Variants in TXNDC9 observed in about 807,000 individuals in gnomAD.
The protein encoded by TXNDC9 is thioredoxin domain containing 9, also known as thioredoxin domain-containing protein 9.
Under a neutral mutation model 23.0 loss-of-function variants are expected in TXNDC9, and 7 were observed. The observed-to-expected ratio is 0.30, with a 90% CI of 0.17 to 0.57. TXNDC9 has a LOEUF of 0.57. TXNDC9 is among the 20% of genes least tolerant of loss of function. TXNDC9 has a pLI of 0.90. For missense variants in TXNDC9, 198 were observed against 252.6 expected (o/e 0.78, Z 1.47); for synonymous variants, 72 against 90.6 (o/e 0.79, Z 1.17).
the TXNDC9 span, among the ~76,000 whole-genome samples, chr2:99,309,717 C>T: frequency 6.6e-6 from 1 of 152,042 alleles, no homozygotes; most frequent in Non-Finnish European, 1.5e-5. Context: ...GACAGAGTCT[C>T]ACTCTATTGC....
chr2:99,331,300 G>A (rs1326866556), intron 2 of TXNDC9, among the ~76,000 whole-genome samples: 1 of 152,074 alleles, frequency 6.6e-6, no homozygotes, highest in Non-Finnish European at 1.5e-5. Flanking sequence ...TGGGCCTGGT[G>A]TGGGGTGGCT....
rs535766884 is a variant in TXNDC9, at chr2:99,335,507, C to T, written c.-33+732G>A. Among the ~76,000 whole-genome samples the T allele has an allele frequency of 2.3e-3, 346 of 152,250 alleles. 4 individuals carry two copies. The highest frequency in any genetic ancestry group is 8.1e-3 in the African/African-American group (337 of 41,554). ...TGAGTCTAAAAAACCAAATTGTAAG[C>T]TCCTCGTGAGTGCTATAAAATTGGA... is the stretch of plus-strand genomic sequence containing the variant. On this transcript the variant is annotated intron_variant, in intron 1 of 4. Coordinates refer to ENST00000264255, the MANE Select transcript of TXNDC9 (RefSeq NM_005783.4).
chr2:99,333,348 G>A, intron 1 of TXNDC9, 106 bp from the exon 2 acceptor site: 1 of 889,614 alleles, frequency 1.1e-6, no homozygotes, highest in Non-Finnish European at 1.7e-6. Context: ...GTACTCTATG[G>A]AGTATTCTAA....
chr2:99,322,953 G>A (rs1322738454), intron 3 of TXNDC9, among the ~76,000 whole-genome samples: 1 of 151,966 alleles, frequency 6.6e-6, no homozygotes, highest in Non-Finnish European at 1.5e-5. Flanking sequence ...AGTAGAGACG[G>A]GGTTTCACTG....
At chr2:99,313,651 C>G in the TXNDC9 span, among the ~76,000 whole-genome samples, 1 of 152,122 alleles carries the variant, frequency 6.6e-6, no homozygotes, top group African/African-American at 2.4e-5. Flanking sequence ...AAAATCTTCT[C>G]TCAGCAGATC....
At chr2:99,310,754 GA>G in the TXNDC9 span, among the ~76,000 whole-genome samples, 7 of 152,012 alleles carry the variant, frequency 4.6e-5, no homozygotes, top group Admixed American at 3.3e-4. Flanking sequence ...AGGCGCTAGG[GA>G]CTCTTGTCTC....
chr2:99,336,209 TC>T, intron 1 of TXNDC9, 29 bp downstream of exon 1: 1 of 985,022 alleles, frequency 1.0e-6, no homozygotes, highest in Non-Finnish European at 1.2e-6. Context: ...GACGTGGTGG[TC>T]GGATTCTTCT....
chr2:99,329,363 C>A (rs962752756), intron 2 of TXNDC9, among the ~76,000 whole-genome samples: 6 of 152,172 alleles, frequency 3.9e-5, no homozygotes, highest in African/African-American at 1.4e-4. Flanking sequence ...CAACTAAACA[C>A]ACTCTAATTC....
downstream of TXNDC9, among the ~76,000 whole-genome samples, chr2:99,316,971 C>T (rs189687599): frequency 7.7e-3 from 1,174 of 152,148 alleles, 8 homozygotes; most frequent in Non-Finnish European, 0.011. Flanking sequence ...TTAGCCAGGA[C>T]GGTCTCGATC....
the TXNDC9 span, among the ~76,000 whole-genome samples, chr2:99,306,372 G>A: frequency 6.6e-6 from 1 of 151,902 alleles, no homozygotes; most frequent in Admixed American, 6.6e-5. Flanking sequence ...CAGGGACATG[G>A]TGGCTCATAG....
intron 1 of TXNDC9, among the ~76,000 whole-genome samples, chr2:99,333,948 G>GT (rs1439965188): frequency 6.6e-5 from 10 of 152,216 alleles, no homozygotes; most frequent in Non-Finnish European, 1.5e-4. Context: ...TAAATTTTGG[G>GT]TTTTTTTCCA....
intron 3 of TXNDC9, among the ~76,000 whole-genome samples, chr2:99,324,436 G>C (rs1021269905): frequency 5.9e-5 from 9 of 152,126 alleles, no homozygotes; most frequent in Non-Finnish European, 8.8e-5. Context: ...CGAGATTTCA[G>C]TGAAAAATGG....
chr2:99,312,595 T>A, the TXNDC9 span, among the ~76,000 whole-genome samples: 2 of 151,358 alleles, frequency 1.3e-5, no homozygotes, highest in African/African-American at 4.9e-5. Flanking sequence ...TGTGATGACA[T>A]AAGAAAATGT....
downstream of TXNDC9, among the ~76,000 whole-genome samples, chr2:99,317,877 C>G (rs1043934417): frequency 7.9e-5 from 12 of 152,164 alleles, no homozygotes; most frequent in African/African-American, 2.6e-4. Flanking sequence ...TGTCTTAAAC[C>G]TAGGACTAAT....
the TXNDC9 span, among the ~76,000 whole-genome samples, chr2:99,306,189 A>G: frequency 6.6e-6 from 1 of 151,994 alleles, no homozygotes; most frequent in East Asian, 1.9e-4. Context: ...ACCCTGCCTC[A>G]TGATTTCTTA....
At chr2:99,331,361 A>T (rs1472716160) in intron 2 of TXNDC9, among the ~76,000 whole-genome samples, 2 of 152,046 alleles carry the variant, frequency 1.3e-5, no homozygotes, top group African/African-American at 4.8e-5. Flanking sequence ...GGATCATTTG[A>T]GGTCGGAATT....
intron 2 of TXNDC9, among the ~76,000 whole-genome samples, chr2:99,329,542 C>T (rs1452466533): frequency 6.6e-6 from 1 of 152,230 alleles, no homozygotes; most frequent in African/African-American, 2.4e-5. Flanking sequence ...ATCGAGCTGA[C>T]ACTTGCAGGA....
downstream of TXNDC9, among the ~76,000 whole-genome samples, chr2:99,314,421 T>C (rs1373611643): frequency 3.3e-5 from 5 of 152,028 alleles, no homozygotes; most frequent in East Asian, 7.7e-4. Context: ...CAATACAGTA[T>C]AACAACTATT....
chr2:99,330,346 C>A, intron 2 of TXNDC9, among the ~76,000 whole-genome samples: 1 of 126,798 alleles, frequency 7.9e-6, no homozygotes, highest in East Asian at 2.6e-4. Context: ...ATTATTTATT[C>A]TCAGGTATTT....
Sources: gnomAD v4.1 joint callset for allele counts (sites outside exome capture counted in the v4.1 genomes callset) on GRCh38, gnomAD v4.1.1 for gene constraint, MANE v1.5 for transcripts, NCBI Gene and HGNC (gene_info 2026-07-23, HGNC 2026-07-21) for gene names.